GALNTL6: variants seen among roughly 807,000 people sequenced by gnomAD.
GALNTL6 encodes the protein polypeptide N-acetylgalactosaminyltransferase like 6, also known as polypeptide N-acetylgalactosaminyltransferase-like 6.
In GALNTL6, 46 loss-of-function variants were observed where a neutral mutation model predicts 73.7. That is an observed-to-expected ratio of 0.62 (90% confidence interval 0.49 to 0.80). GALNTL6 has a LOEUF of 0.80. GALNTL6 is among the 30% of genes least tolerant of loss of function. GALNTL6 has a pLI of 0.00. For missense variants in GALNTL6, 604 were observed against 755.0 expected, an observed-to-expected ratio of 0.80 and a Z score of 2.34; for synonymous variants, 259 against 263.7, an observed-to-expected ratio of 0.98 and a Z score of 0.17.
chr4:172,086,463 T>C (rs1486600885), intron 2 of GALNTL6, among the ~76,000 whole-genome samples: 3 of 152,210 alleles, frequency 2.0e-5, no homozygotes, highest in African/African-American at 4.8e-5. Flanking sequence ...TTAAACTTGA[T>C]TTTAAAGCAG....
chr4:172,115,054 A>G (rs2110986234), intron 2 of GALNTL6, among the ~76,000 whole-genome samples: 1 of 152,238 alleles, frequency 6.6e-6, no homozygotes, highest in South Asian at 2.1e-4. Context: ...TTGCATAATG[A>G]GATTTCATTG....
intron 5 of GALNTL6, among the ~76,000 whole-genome samples, chr4:172,777,189 T>TC (rs918036629): frequency 3.9e-5 from 6 of 152,010 alleles, no homozygotes; most frequent in East Asian, 1.9e-4. Context: ...TTTTAAATGC[T>TC]CCCCCCCAAA....
At chr4:172,584,837 G>A (rs1005823308) in intron 5 of GALNTL6, among the ~76,000 whole-genome samples, 2 of 152,128 alleles carry the variant, frequency 1.3e-5, no homozygotes, top group African/African-American at 2.4e-5. Context: ...TTTGAATCAC[G>A]TCATAAAAGT....
At chr4:172,613,309 C>G (rs961531647) in intron 5 of GALNTL6, among the ~76,000 whole-genome samples, 2 of 151,990 alleles carry the variant, frequency 1.3e-5, no homozygotes, top group African/African-American at 2.4e-5. Flanking sequence ...ACACAGTGAT[C>G]ACAGAAGGGC....
chr4:172,309,604 A>G (rs1031840121), intron 3 of GALNTL6, among the ~76,000 whole-genome samples: 4 of 152,094 alleles, frequency 2.6e-5, no homozygotes, highest in East Asian at 1.9e-4. Context: ...TCAATACCAG[A>G]GTAAATGCCT....
intron 2 of GALNTL6, among the ~76,000 whole-genome samples, chr4:171,952,358 C>A (rs1738910432): frequency 1.3e-5 from 2 of 151,924 alleles, no homozygotes; most frequent in East Asian, 1.9e-4. Context: ...AATATTCAAG[C>A]AACAAGTACT....
chr4:172,437,892 A>G (rs1404631293), intron 5 of GALNTL6, among the ~76,000 whole-genome samples: 1 of 152,090 alleles, frequency 6.6e-6, no homozygotes, highest in Non-Finnish European at 1.5e-5. Context: ...AAGTGCCATT[A>G]GATGTGATAG....
chr4:172,405,320 T>C (rs2111331627), intron 5 of GALNTL6, among the ~76,000 whole-genome samples: 1 of 147,200 alleles, frequency 6.8e-6, no homozygotes, highest in South Asian at 2.1e-4. Flanking sequence ...TTAATACTTA[T>C]ATATATAAGT....
intron 5 of GALNTL6, among the ~76,000 whole-genome samples, chr4:172,654,485 A>G (rs1351462824): frequency 6.6e-6 from 1 of 152,090 alleles, no homozygotes; most frequent in Non-Finnish European, 1.5e-5. Context: ...TTTTTTTCAT[A>G]CTTAGGTCAA....
intron 5 of GALNTL6, among the ~76,000 whole-genome samples, chr4:172,413,557 AGATTAGGCAT>A (rs1744518659): frequency 1.3e-5 from 2 of 152,112 alleles, no homozygotes; most frequent in Non-Finnish European, 2.9e-5. Context: ...GCATGAACTG[AGATTAGGCAT>A]AGGAATTAGG....
At chr4:172,914,061 A>G (rs1000469023) in intron 8 of GALNTL6, among the ~76,000 whole-genome samples, 1 of 152,242 alleles carries the variant, frequency 6.6e-6, no homozygotes, top group African/African-American at 2.4e-5. Flanking sequence ...AAACTCTACA[A>G]GCCAGAAGGT....
chr4:172,274,265 C>T (rs1738755468), intron 3 of GALNTL6, among the ~76,000 whole-genome samples: 1 of 152,094 alleles, frequency 6.6e-6, no homozygotes, highest in African/African-American at 2.4e-5. Context: ...CCTTGTAAAC[C>T]TAGAACAACC....
chr4:172,365,955 C>G (rs1021713944), intron 5 of GALNTL6, among the ~76,000 whole-genome samples: 1 of 151,998 alleles, frequency 6.6e-6, no homozygotes, highest in East Asian at 1.9e-4. Flanking sequence ...TGTAAAAAAG[C>G]AGCAATTCAT....
At chr4:172,277,260 A>AT (rs1043472019) in intron 3 of GALNTL6, among the ~76,000 whole-genome samples, 5 of 148,046 alleles carry the variant, frequency 3.4e-5, no homozygotes, top group African/African-American at 1.2e-4. Context: ...AAAATAAAAA[A>AT]TGCAAAAAAA....
chr4:171,934,062 T>G (rs1016965382), intron 2 of GALNTL6, among the ~76,000 whole-genome samples: 1 of 152,196 alleles, frequency 6.6e-6, no homozygotes, highest in Non-Finnish European at 1.5e-5. Context: ...TTTTAACATA[T>G]CTTCTGTTTA....
rs1434589519 is a variant in GALNTL6 at position 172,828,589 on chromosome 4, A to C, written c.923+14866A>C. ...TAAAAAAAGAGAAAAAAACAGAATAAACCAACAGAACCTAGAAGAAACAAA... is the reference window on the plus strand; with the variant it reads ...TAAAAAAAGAGAAAAAAACAGAATACACCAACAGAACCTAGAAGAAACAAA... On this transcript the variant is annotated intron_variant, in intron 7 of 12. Transcript: ENST00000506823. Among the ~76,000 whole-genome samples, 91 of 152,196 alleles carry C rather than the reference A, an allele frequency of 6.0e-4. 1 individual carries two copies. The highest frequency in any genetic ancestry group is 2.9e-5 in the Non-Finnish European group (2 of 68,038).
intron 7 of GALNTL6, among the ~76,000 whole-genome samples, chr4:172,876,125 TA>T (rs1324156381): frequency 1.3e-5 from 2 of 152,210 alleles, no homozygotes; most frequent in African/African-American, 4.8e-5. Flanking sequence ...ATCAAGTCTT[TA>T]TATCCTTTCA....
chr4:172,236,501 A>G (rs992386207), intron 3 of GALNTL6, among the ~76,000 whole-genome samples: 3 of 150,328 alleles, frequency 2.0e-5, no homozygotes, highest in Non-Finnish European at 4.4e-5. Flanking sequence ...CAGGGCTTGC[A>G]GTGAGCCAAG....
chr4:172,045,472 T>C (rs977207343), intron 2 of GALNTL6, among the ~76,000 whole-genome samples: 1 of 152,010 alleles, frequency 6.6e-6, no homozygotes. Flanking sequence ...ATAAGTCAGG[T>C]TCTGACATTT....
Sources: allele counts gnomAD v4.1 joint callset (sites outside exome capture counted in the v4.1 genomes callset), GRCh38; gene constraint gnomAD v4.1.1; transcripts MANE v1.5; gene names NCBI Gene and HGNC (gene_info 2026-07-23, HGNC 2026-07-21).